JAKMIP2: variants seen among roughly 807,000 people sequenced by gnomAD.
The protein encoded by JAKMIP2 is janus kinase and microtubule-interacting protein 2.
Under a neutral mutation model 115.0 loss-of-function variants are expected in JAKMIP2, and 25 were observed. The ratio of observed to expected loss-of-function variants is 0.22; its 90% CI spans 0.16 to 0.30. JAKMIP2 has a LOEUF of 0.30. JAKMIP2 is among the 10% of genes least tolerant of loss of function. The pLI, the probability that JAKMIP2 is intolerant of heterozygous loss-of-function variation, is 1.00. For synonymous variants in JAKMIP2, 334 were observed against 343.6 expected (o/e 0.97, Z 0.31); for missense variants, 642 against 957.6 (o/e 0.67, Z 4.35).
At chr5:147,598,625 T>C (rs908084375) in intron 21 of JAKMIP2, among the ~76,000 whole-genome samples, 1 of 152,192 alleles carries the variant, frequency 6.6e-6, no homozygotes, top group Non-Finnish European at 1.5e-5. Flanking sequence ...AAAGTCCTGA[T>C]ATAATCCATG....
intron 1 of JAKMIP2, among the ~76,000 whole-genome samples, chr5:147,711,816 C>T (rs1159500417): frequency 6.6e-6 from 1 of 152,146 alleles, no homozygotes; most frequent in African/African-American, 2.4e-5. Flanking sequence ...TATAGGCGCA[C>T]ACCACCACAC....
chr5:147,747,857 G>A (rs1754401474), intron 1 of JAKMIP2, among the ~76,000 whole-genome samples: 1 of 152,062 alleles, frequency 6.6e-6, no homozygotes, highest in South Asian at 2.1e-4. Context: ...CTTTGCATAA[G>A]CTATCTACTT....
chr5:147,737,734 T>C (rs1362908962), intron 1 of JAKMIP2, among the ~76,000 whole-genome samples: 3 of 152,202 alleles, frequency 2.0e-5, no homozygotes, highest in Non-Finnish European at 1.5e-5. Flanking sequence ...ATCAATACCT[T>C]GCAGACAAAA....
intron 20 of JAKMIP2, among the ~76,000 whole-genome samples, chr5:147,606,142 C>T (rs180957056): frequency 6.6e-6 from 1 of 152,074 alleles, no homozygotes; most frequent in African/African-American, 2.4e-5. Flanking sequence ...TATCTGTTCA[C>T]TCTGATGATA....
chr5:147,645,284 T>C (rs1758080684), intron 5 of JAKMIP2, among the ~76,000 whole-genome samples: 1 of 152,162 alleles, frequency 6.6e-6, no homozygotes, highest in African/African-American at 2.4e-5. Flanking sequence ...GGACGCGCTC[T>C]CCTTGCTTTC....
chr5:147,705,091 C>T (rs569668918), intron 1 of JAKMIP2, among the ~76,000 whole-genome samples: 3 of 152,248 alleles, frequency 2.0e-5, no homozygotes, highest in East Asian at 3.9e-4. Flanking sequence ...GAATGTTCTT[C>T]GCTTTAAGAA....
chr5:147,724,109 C>T (rs1022140199), intron 1 of JAKMIP2, among the ~76,000 whole-genome samples: 5 of 152,164 alleles, frequency 3.3e-5, no homozygotes, highest in Non-Finnish European at 7.4e-5. Context: ...AAGAAAATTA[C>T]ATAATTCTTT....
intron 1 of JAKMIP2, among the ~76,000 whole-genome samples, chr5:147,766,517 T>C (rs1755163801): frequency 6.6e-6 from 1 of 152,144 alleles, no homozygotes; most frequent in Non-Finnish European, 1.5e-5. Flanking sequence ...GCCTTTCCAC[T>C]GTGTCACATT....
chr5:147,717,273 G>A (rs1360652226), intron 1 of JAKMIP2, among the ~76,000 whole-genome samples: 1 of 128,964 alleles, frequency 7.8e-6, no homozygotes, highest in African/African-American at 3.0e-5. Context: ...TTGAAGTCAG[G>A]TAGTGTGATG....
chr5:147,678,594 A>G (rs1760097443), intron 1 of JAKMIP2, among the ~76,000 whole-genome samples: 1 of 151,648 alleles, frequency 6.6e-6, no homozygotes, highest in Non-Finnish European at 1.5e-5. Flanking sequence ...TTTTTGAATG[A>G]CAAACACTGC....
intron 1 of JAKMIP2, among the ~76,000 whole-genome samples, chr5:147,692,965 A>G (rs1003125228): frequency 6.6e-6 from 1 of 152,234 alleles, no homozygotes; most frequent in Non-Finnish European, 1.5e-5. Context: ...TTTTTATCTT[A>G]TATCTTATTA....
At chr5:147,621,202 G>A (rs1233114119) in intron 17 of JAKMIP2, among the ~76,000 whole-genome samples, 1 of 152,190 alleles carries the variant, frequency 6.6e-6, no homozygotes, top group Admixed American at 6.5e-5. Context: ...GAGTGGGAGT[G>A]ATTCCACCCA....
At chr5:147,662,334 C>G (rs922704892) in intron 2 of JAKMIP2, among the ~76,000 whole-genome samples, 2 of 152,208 alleles carry the variant, frequency 1.3e-5, no homozygotes, top group Middle Eastern at 6.8e-3. Context: ...CCCTTCCTGC[C>G]CCACAAGCCA....
At chr5:147,623,339 T>C (rs767609192) in intron 17 of JAKMIP2, among the ~76,000 whole-genome samples, 3 of 151,970 alleles carry the variant, frequency 2.0e-5, no homozygotes, top group Non-Finnish European at 2.9e-5. Flanking sequence ...TTAAATAAAG[T>C]GGAAAAATTA....
chr5:147,747,434 A>C (rs755262259), intron 1 of JAKMIP2, among the ~76,000 whole-genome samples: 1 of 152,184 alleles, frequency 6.6e-6, no homozygotes, highest in Non-Finnish European at 1.5e-5. Flanking sequence ...TGAAAACATG[A>C]GGATTCAAGC....
chr5:147,741,218 C>CT (rs1754131458), intron 1 of JAKMIP2, among the ~76,000 whole-genome samples: 1 of 152,126 alleles, frequency 6.6e-6, no homozygotes, highest in Non-Finnish European at 1.5e-5. Flanking sequence ...TTCAGTATTT[C>CT]TTCAAATATA....
chr5:147,723,799 G>A (rs918362416), intron 1 of JAKMIP2, among the ~76,000 whole-genome samples: 1 of 152,136 alleles, frequency 6.6e-6, no homozygotes, highest in African/African-American at 2.4e-5. Context: ...AGCCATGGCT[G>A]TCTCTTTACA....
intron 1 of JAKMIP2, among the ~76,000 whole-genome samples, chr5:147,719,273 T>C (rs1753153548): frequency 7.4e-6 from 1 of 134,890 alleles, no homozygotes; most frequent in South Asian, 2.6e-4. Flanking sequence ...TCCAACTATG[T>C]GGTCAATTTT....
intron 1 of JAKMIP2, among the ~76,000 whole-genome samples, chr5:147,686,844 C>G (rs1760596210): frequency 6.6e-6 from 1 of 152,056 alleles, no homozygotes; most frequent in Non-Finnish European, 1.5e-5. Context: ...CATTTTCCTC[C>G]CAGCATTTTC....
Sources: gnomAD v4.1 joint callset for allele counts (sites outside exome capture counted in the v4.1 genomes callset) on GRCh38, gnomAD v4.1.1 for gene constraint, MANE v1.5 for transcripts, NCBI Gene and HGNC (gene_info 2026-07-23, HGNC 2026-07-21) for gene names.